COL11A1: variants seen among roughly 807,000 people sequenced by gnomAD.
COL11A1 encodes collagen alpha-1(XI) chain.
A neutral mutation model predicts 265.2 loss-of-function variants in COL11A1; 74 were observed. That is an observed-to-expected ratio of 0.28 (90% CI 0.23 to 0.34). The LOEUF (loss-of-function observed/expected upper bound fraction) is 0.34, where lower values mean the gene tolerates loss of function less well. Among genes scored for constraint, COL11A1 ranks in the 10% least tolerant of loss-of-function variants. The pLI, the probability that COL11A1 is intolerant of heterozygous loss-of-function variation, is 1.00. For synonymous variants in COL11A1, 816 were observed against 727.6 expected, an observed-to-expected ratio of 1.12 and a Z score of -1.96; for missense variants, 2,165 against 2,263.6, an observed-to-expected ratio of 0.96 and a Z score of 0.88.
chr1:102,979,955 G>A lies in COL11A1; in HGVS notation c.2557-520C>T, dbSNP rs192931449. Among the ~76,000 whole-genome samples the A allele has an allele frequency of 2.0e-4, 30 of 151,970 alleles. No homozygotes were observed. In the East Asian group the frequency reaches 2.1e-3, roughly 11 times the overall value. ...ACTAAAAACCTTCCTCCACTTTTTC[G>A]ATTTGGTATTTGAATACAACTATAT... On this transcript the variant is annotated intron_variant, in intron 31 of 66. Transcript: ENST00000370096.
intron 44 of COL11A1, among the ~76,000 whole-genome samples, chr1:102,936,045 G>T (rs535120198): frequency 6.6e-6 from 1 of 151,972 alleles, no homozygotes. Flanking sequence ...ATTTTACCAC[G>T]ATATACTTTC....
intron 24 of COL11A1, 31 bp downstream of exon 24, chr1:103,001,894 C>G (rs751517508): frequency 1.2e-6 from 2 of 1,608,214 alleles, no homozygotes; most frequent in East Asian, 2.2e-5. Context: ...ACATGTTCAC[C>G]AGGCTTTACG....
chr1:102,889,585 A>T (rs1476215755), intron 58 of COL11A1, 23 bp from the exon 59 acceptor site: 3 of 1,506,598 alleles, frequency 2.0e-6, no homozygotes, highest in East Asian at 2.3e-5. Flanking sequence ...GAGAAAAAAA[A>T]TAATAACATG....
intron 41 of COL11A1, among the ~76,000 whole-genome samples, chr1:102,953,506 G>A (rs1241465857): frequency 6.6e-6 from 1 of 152,102 alleles, no homozygotes; most frequent in Non-Finnish European, 1.5e-5. Context: ...TGTCATAATA[G>A]AGACAGAAAT....
At chr1:102,882,182 A>G (rs1195856307) in intron 64 of COL11A1, among the ~76,000 whole-genome samples, 2 of 151,812 alleles carry the variant, frequency 1.3e-5, no homozygotes, top group African/African-American at 4.8e-5. Flanking sequence ...GTATTTAGCC[A>G]GTAGCTAAGG....
chr1:102,940,003 T>C (rs1169289044), intron 43 of COL11A1, among the ~76,000 whole-genome samples: 1 of 152,138 alleles, frequency 6.6e-6, no homozygotes, highest in East Asian at 1.9e-4. Context: ...ACTAACCATA[T>C]ACATGTAATT....
In COL11A1 at chr1:102,940,494, A is replaced by T. The variant is rs930861358; in HGVS notation, c.3277-60T>A. 33 of 1,194,762 alleles carry T rather than the reference A, an allele frequency of 2.8e-5. No individual in the cohort carries two copies. In the African/African-American group the frequency reaches 3.9e-4, roughly 14 times the overall value. The allele number at this position is 1,194,762 out of a possible 1,614,324, so 74.0% of individuals were successfully genotyped here. A position where few individuals can be genotyped will look rare whatever the true frequency, so the allele number is the denominator to read the frequency against. On this transcript the variant is annotated intron_variant, in intron 42 of 66. Coordinates refer to ENST00000370096, the MANE Select transcript of COL11A1 (RefSeq NM_001854.4). ...GTTTTGAAGTGCAGCTACAAGAGTA[A>T]TAATCTAGCTTCTATATTTGACAAG...
intron 1 of COL11A1, among the ~76,000 whole-genome samples, chr1:103,083,242 C>CTGTG (rs759909809): frequency 8.2e-5 from 6 of 73,508 alleles, no homozygotes; most frequent in African/African-American, 2.6e-4. Flanking sequence ...GTGTGTGTGT[C>CTGTG]TGTGTCTGTG....
At chr1:103,029,671 G>A (rs78306841) in intron 5 of COL11A1, among the ~76,000 whole-genome samples, 1,839 of 152,060 alleles carry the variant, frequency 0.012, 45 homozygotes, top group African/African-American at 0.042. Flanking sequence ...ACAATGTGCT[G>A]TTTTTCTCAT....
chr1:103,001,237 TAAAAC>T, intron 24 of COL11A1: 1 of 397,458 alleles, frequency 2.5e-6, no homozygotes, highest in Non-Finnish European at 4.4e-6. Flanking sequence ...CTTGTACACT[TAAAAC>T]AAGGGAATAT....
chr1:103,004,412 T>C (rs765852941), intron 20 of COL11A1, 32 bp downstream of exon 20: 6 of 1,554,462 alleles, frequency 3.9e-6, no homozygotes, highest in Non-Finnish European at 4.4e-6. Context: ...AAACTAGAAA[T>C]ATTACTTAAA....
intron 4 of COL11A1, among the ~76,000 whole-genome samples, chr1:103,059,136 A>G (rs1252819354): frequency 6.6e-6 from 1 of 152,170 alleles, no homozygotes; most frequent in Non-Finnish European, 1.5e-5. Context: ...AGCATGATAT[A>G]ACAATGTATG....
At chr1:103,107,498 C>A (rs1049096378) in intron 1 of COL11A1, among the ~76,000 whole-genome samples, 18 of 145,784 alleles carry the variant, frequency 1.2e-4, no homozygotes, top group African/African-American at 4.0e-4. Flanking sequence ...CCCTCCCCCG[C>A]CCCCCAAACA....
At chr1:103,038,560 G>C (rs1253364902) in intron 4 of COL11A1, among the ~76,000 whole-genome samples, 2 of 152,080 alleles carry the variant, frequency 1.3e-5, no homozygotes, top group Non-Finnish European at 2.9e-5. Context: ...TAAAGAGTGA[G>C]GGTAAAGAGT....
At chr1:102,925,859 C>T (rs35839974) in intron 46 of COL11A1, among the ~76,000 whole-genome samples, 5,173 of 152,094 alleles carry the variant, frequency 0.034, 125 homozygotes, top group Middle Eastern at 0.095. Flanking sequence ...AATTAAGTTT[C>T]CAAAAACACC....
chr1:102,934,608 T>C (rs2101215530), intron 45 of COL11A1, 52 bp from the exon 46 acceptor site: 1 of 1,386,328 alleles, frequency 7.2e-7, no homozygotes, highest in Non-Finnish European at 1.0e-6. Flanking sequence ...CATTACGATA[T>C]GAGTCATTAA....
intron 1 of COL11A1, among the ~76,000 whole-genome samples, chr1:103,083,395 A>G (rs1035049477): frequency 4.6e-5 from 7 of 151,204 alleles, no homozygotes; most frequent in African/African-American, 1.7e-4. Flanking sequence ...AACATTATGT[A>G]GAATTAAAGT....
At chr1:103,036,848 T>C (rs1254025839) in intron 4 of COL11A1, among the ~76,000 whole-genome samples, 5 of 152,092 alleles carry the variant, frequency 3.3e-5, no homozygotes, top group African/African-American at 1.2e-4. Flanking sequence ...AAGGTACAGT[T>C]GATGCAATTA....
chr1:102,996,485 A>G (rs1319126039), intron 26 of COL11A1, among the ~76,000 whole-genome samples: 1 of 151,778 alleles, frequency 6.6e-6, no homozygotes, highest in African/African-American at 2.4e-5. Context: ...TCAAAATTAT[A>G]TATCTTCCAA....
Sources: gnomAD v4.1 joint callset for allele counts (sites outside exome capture counted in the v4.1 genomes callset) on GRCh38, gnomAD v4.1.1 for gene constraint, MANE v1.5 for transcripts, NCBI Gene and HGNC (gene_info 2026-07-23, HGNC 2026-07-21) for gene names.